The following NRG3 variants were observed in gnomAD, a reference collection of about 807,000 sequenced individuals.
NRG3 encodes the protein neuregulin 3, also known as pro-neuregulin-3, membrane-bound isoform.
Under a neutral mutation model 66.9 loss-of-function variants are expected in NRG3, and 31 were observed. The observed-to-expected ratio is 0.46, with a 90% CI of 0.35 to 0.63. The LOEUF (loss-of-function observed/expected upper bound fraction) is 0.63. Among genes scored for constraint, NRG3 ranks in the 20% least tolerant of loss-of-function variants. The pLI, the probability that NRG3 is intolerant of heterozygous loss-of-function variation, is 0.00. For missense variants in NRG3, 910 were observed against 878.9 expected, an observed-to-expected ratio of 1.04 and a Z score of -0.45; for synonymous variants, 393 against 359.4, an observed-to-expected ratio of 1.09 and a Z score of -1.06.
At chr10:82,781,354 C>T (rs942421853) in intron 3 of NRG3, among the ~76,000 whole-genome samples, 2 of 152,154 alleles carry the variant, frequency 1.3e-5, no homozygotes, top group Non-Finnish European at 2.9e-5. Flanking sequence ...ATTCCCATCA[C>T]TCTCAAGTAA....
At chr10:82,677,593 C>G (rs913850588) in intron 2 of NRG3, among the ~76,000 whole-genome samples, 2 of 152,016 alleles carry the variant, frequency 1.3e-5, no homozygotes, top group African/African-American at 4.8e-5. Flanking sequence ...TTTTCATAGA[C>G]TTGAACACTG....
intron 3 of NRG3, among the ~76,000 whole-genome samples, chr10:82,744,950 T>C (rs2058582908): frequency 6.6e-6 from 1 of 152,144 alleles, no homozygotes; most frequent in Non-Finnish European, 1.5e-5. Context: ...GTACACAGTG[T>C]ACAAGGCACT....
chr10:82,050,810 C>CTCCAGCCATGCCTCCACTCTCTGTCTT (rs2063557078), intron 1 of NRG3, among the ~76,000 whole-genome samples: 1 of 151,952 alleles, frequency 6.6e-6, no homozygotes. Flanking sequence ...CTCTCTGTCT[C>CTCCAGCCATGCCTCCACTCTCTGTCTT]TCCAGCCATG....
At chr10:82,724,223 T>C (rs1349303828) in intron 2 of NRG3, among the ~76,000 whole-genome samples, 1 of 150,798 alleles carries the variant, frequency 6.6e-6, no homozygotes, top group Non-Finnish European at 1.5e-5. Flanking sequence ...CTATGCTACT[T>C]TTTTTTTTTT....
chr10:82,391,564 A>C (rs753313864), intron 2 of NRG3, among the ~76,000 whole-genome samples: 15 of 152,048 alleles, frequency 9.9e-5, no homozygotes, highest in Non-Finnish European at 1.6e-4. Context: ...TTTCCACATA[A>C]AATAAAAGCT....
At chr10:82,541,349 C>G (rs959935626) in intron 2 of NRG3, among the ~76,000 whole-genome samples, 2 of 152,074 alleles carry the variant, frequency 1.3e-5, no homozygotes, top group African/African-American at 4.8e-5. Flanking sequence ...CCTCGGACAC[C>G]GAGTTGTGGA....
intron 1 of NRG3, among the ~76,000 whole-genome samples, chr10:82,202,121 C>T (rs925664869): frequency 3.9e-5 from 6 of 152,248 alleles, no homozygotes; most frequent in African/African-American, 7.2e-5. Flanking sequence ...CATTTGCCCA[C>T]GTTCACACAG....
chr10:81,962,284 C>A (rs988577778), intron 1 of NRG3, among the ~76,000 whole-genome samples: 3 of 152,194 alleles, frequency 2.0e-5, no homozygotes, highest in Non-Finnish European at 4.4e-5. Context: ...TATAAAATAT[C>A]ACACTGGGCC....
intron 1 of NRG3, among the ~76,000 whole-genome samples, chr10:82,171,210 A>G (rs902217365): frequency 6.6e-6 from 1 of 152,080 alleles, no homozygotes; most frequent in Non-Finnish European, 1.5e-5. Flanking sequence ...TGTGGAAAGT[A>G]GAGACGCATC....
At chr10:82,248,142 C>A (rs1257916396) in intron 1 of NRG3, among the ~76,000 whole-genome samples, 4 of 152,166 alleles carry the variant, frequency 2.6e-5, no homozygotes, top group Non-Finnish European at 5.9e-5. Flanking sequence ...AAACTACTGA[C>A]CTAACAGGCA....
In NRG3 at chr10:82,087,338, G is replaced by A. The variant is rs1026011841; in HGVS notation, c.823+211175G>A. ...GCTATCTGCCTGCCCTGCAAAGCCC[G>A]CCTCTTTTGTGAAGCTTTTCCTGAC... is the stretch of plus-strand genomic sequence containing the variant. On this transcript the variant is annotated intron_variant, in intron 1 of 8. Coordinates refer to ENST00000372141, the MANE Select transcript of NRG3 (RefSeq NM_001010848.4). Among the ~76,000 whole-genome samples the A allele has an allele frequency of 3.7e-4, 56 of 152,006 alleles. 1 individual carries two copies. Among genetic ancestry groups the A allele is most frequent in the African/African-American group, 1.2e-3 (51 of 41,342 alleles).
chr10:82,738,841 A>G (rs2058282676), intron 3 of NRG3, among the ~76,000 whole-genome samples, 191 bp downstream of exon 3: 1 of 152,188 alleles, frequency 6.6e-6, no homozygotes, highest in Non-Finnish European at 1.5e-5. Flanking sequence ...TTCTCTGACG[A>G]TGAGGCCTGG....
Position 82,183,817 on chromosome 10 carries a change from A to G in NRG3, c.824-174922A>G, listed in dbSNP as rs556406227. 1.3e-4 allele frequency among the ~76,000 whole-genome samples: 20 copies of G among 152,184 alleles called. No individual in the cohort carries two copies. In the South Asian group the frequency reaches 4.1e-3, roughly 32 times the overall value. On this transcript the variant is annotated intron_variant, in intron 1 of 8. Transcript: ENST00000372141. ...AAGAATTATCTAACCTCAAATGACA[A>G]GTTGAGGTACAGAAACTCTGGCTTA...
At chr10:82,050,816 C>G (rs2063557480) in intron 1 of NRG3, among the ~76,000 whole-genome samples, 1 of 151,906 alleles carries the variant, frequency 6.6e-6, no homozygotes, top group Non-Finnish European at 1.5e-5. Context: ...GTCTCTCCAG[C>G]CATGCCTCCA....
chr10:82,203,858 A>T (rs528093783), intron 1 of NRG3, among the ~76,000 whole-genome samples: 1 of 152,320 alleles, frequency 6.6e-6, no homozygotes, highest in South Asian at 2.1e-4. Context: ...TTCTGTTTTT[A>T]AAAACAGAAT....
chr10:82,547,814 G>A (rs896112084), intron 2 of NRG3, among the ~76,000 whole-genome samples: 11 of 151,968 alleles, frequency 7.2e-5, no homozygotes, highest in African/African-American at 2.7e-4. Context: ...TATTTCACAG[G>A]GCACTTGGGA....
intron 2 of NRG3, among the ~76,000 whole-genome samples, chr10:82,509,818 T>C (rs113620530): frequency 0.012 from 1,833 of 152,306 alleles, 35 homozygotes; most frequent in African/African-American, 0.042. Flanking sequence ...GGATCCATTA[T>C]GGTCAACCTC....
chr10:82,552,324 G>A (rs112135904), intron 2 of NRG3, among the ~76,000 whole-genome samples: 15 of 152,018 alleles, frequency 9.9e-5, no homozygotes, highest in African/African-American at 3.6e-4. Context: ...ATCTTTGAAA[G>A]GTGATCATTT....
chr10:82,823,305 G>A (rs1453498616), intron 3 of NRG3, among the ~76,000 whole-genome samples: 1 of 152,176 alleles, frequency 6.6e-6, no homozygotes, highest in Admixed American at 6.5e-5. Flanking sequence ...TGCTTTGGGA[G>A]TAAGGCAGAT....
Sources: gnomAD v4.1 joint callset for allele counts (sites outside exome capture counted in the v4.1 genomes callset) on GRCh38, gnomAD v4.1.1 for gene constraint, MANE v1.5 for transcripts, NCBI Gene and HGNC (gene_info 2026-07-23, HGNC 2026-07-21) for gene names.